Variants in OR5T2 observed in about 807,000 individuals in gnomAD.
OR5T2 encodes olfactory receptor family 5 subfamily T member 2.
Under a neutral mutation model 13.7 loss-of-function variants are expected in OR5T2, and 12 were observed. That is an observed-to-expected ratio of 0.88 (90% CI 0.56 to 1.42). The LOEUF (loss-of-function observed/expected upper bound fraction) is 1.42. OR5T2 is among the 40% of genes most tolerant of loss of function. OR5T2 has a pLI of 0.00. For synonymous variants in OR5T2, 146 were observed against 139.5 expected (o/e 1.05, Z -0.33); for missense variants, 475 against 372.0 (o/e 1.28, Z -2.28).
In OR5T2 at chr11:56,232,451, G is replaced by T. The variant is rs138680983; in HGVS notation, c.612C>A (p.Ile204=). The T allele has an allele frequency of 3.7e-6, 6 of 1,607,064 alleles. No homozygotes were observed. The highest frequency in any genetic ancestry group is 3.3e-5 in the South Asian group (3 of 89,952). ...GAACAATCAGGATAGTGACCAGCTC[G>T]ATAGAGCCCACAAAGTAGAAGAGTA... The part of the protein sequence containing the change: ...QLLLFYFVGS[I]ELVTILIVLI... Residue 204 remains isoleucine (I), a synonymous_variant, in exon 2 of 2, where the codon ATC becomes ATA. Coordinates refer to ENST00000641661, the MANE Select transcript of OR5T2 (RefSeq NM_001004746.4).
chr11:56,233,396 A>G (rs1009963741), intron 1 of OR5T2, 132 bp from the exon 2 acceptor site: 3 of 390,628 alleles, frequency 7.7e-6, no homozygotes, highest in Non-Finnish European at 1.4e-5. Flanking sequence ...TAATATTAAA[A>G]CACACAAAAA....
rs1853318561 is a variant in OR5T2 at position 56,233,137 on chromosome 11, C to G, written c.-75G>C. 11 of 1,580,790 alleles carry G rather than the reference C, an allele frequency of 7.0e-6. No individual in the cohort carries two copies. Among genetic ancestry groups the G allele is most frequent in the Non-Finnish European group, 8.6e-6 (10 of 1,159,582 alleles). ...TTATGACAAAAAGAATGAACAACACCATGACTCAAGGGGATGTTAACTGTG... is the reference window on the plus strand; with the variant it reads ...TTATGACAAAAAGAATGAACAACACGATGACTCAAGGGGATGTTAACTGTG... On this transcript the variant is annotated 5_prime_UTR_variant, in exon 2 of 2. An upstream start codon of the reference 5' UTR is lost. Coordinates refer to ENST00000641661, the MANE Select transcript of OR5T2 (RefSeq NM_001004746.4).
rs1853308424 is a variant in OR5T2, at chr11:56,232,771, G to C, written c.292C>G (p.Gln98Glu). Residue 98 changes from glutamine to glutamate, a missense_variant, in exon 2 of 2, where the codon CAG becomes GAG. Physicochemically the swap from Gln to Glu is conservative, Grantham distance 29. Transcript: ENST00000641661. ...CCAAAACTACAAGCAAGAAACACCT[G>C]TGCTACACATCCAAGGAATGAAATG... Reference protein sequence around the residue: ...KVISFLGCVAQVFLACSFGTT... With the variant: ...KVISFLGCVAEVFLACSFGTT... 5 of 1,613,966 alleles carry C rather than the reference G, an allele frequency of 3.1e-6. No individual in the cohort carries two copies. Among genetic ancestry groups the C allele is most frequent in the African/African-American group, 1.3e-5 (1 of 74,910 alleles).
intron 1 of OR5T2, among the ~76,000 whole-genome samples, chr11:56,233,613 T>C (rs532416880): frequency 6.6e-6 from 1 of 152,200 alleles, no homozygotes; most frequent in Admixed American, 6.6e-5. Context: ...TAATAAAATA[T>C]AATATGTAAA....
At chr11:56,233,631 T>G (rs927213366) in intron 1 of OR5T2, among the ~76,000 whole-genome samples, 1 of 152,106 alleles carries the variant, frequency 6.6e-6, no homozygotes, top group African/African-American at 2.4e-5. Flanking sequence ...AAAATAATTT[T>G]GATTATAGAA....
intron 1 of OR5T2, among the ~76,000 whole-genome samples, chr11:56,233,483 C>T (rs898880640): frequency 2.0e-5 from 3 of 151,978 alleles, no homozygotes; most frequent in African/African-American, 7.2e-5. Context: ...GAATACAATA[C>T]CAGAATTTTA....
chr11:56,231,962 AC>A lies in OR5T2; in HGVS notation c.*143del. On this transcript the variant is annotated 3_prime_UTR_variant, in exon 2 of 2. Coordinates refer to ENST00000641661, the MANE Select transcript of OR5T2 (RefSeq NM_001004746.4). ...AAAAGGCCTGCCCCTGAGGTATAAC[AC>A]CCAACATTATAACAAAAGACTGTAA... 1.5e-6 allele frequency: 1 copy of A among 666,284 alleles called. No individual in the cohort carries two copies. The highest frequency in any genetic ancestry group is 3.4e-5 in the Admixed American group (1 of 29,558). The allele number at this position is 666,284 out of a possible 1,614,324, so 41.3% of individuals were successfully genotyped here.
Position 56,232,548 on chromosome 11 carries a change from A to T in OR5T2, c.515T>A (p.Ile172Asn), listed in dbSNP as rs139659137. The change falls in exon 2 of 2, where the codon ATT becomes AAT. Residue 172 changes from isoleucine to asparagine, a missense_variant. Transcript: ENST00000641661. ...FSLSFCGANE[I>N]RRVFCDIPPL... ...AGGGATATCACAAAAGACACGCCTA[A>T]TTTCATTGGCTCCACAGAAGGATAG... The T allele has an allele frequency of 1.1e-5, 18 of 1,613,622 alleles. No homozygotes were observed. In the African/African-American group the frequency reaches 2.3e-4, roughly 20 times the overall value.
In OR5T2 at chr11:56,232,968, A is replaced by C; in HGVS notation, c.95T>G (p.Ile32Ser). Reference sequence around the variant, plus strand: ...ATTTCCCATGAGAGTGAAGAGGTAGATTGCTAGAAACAGGAAGAAGAAGAT... The same window carrying C: ...ATTTCCCATGAGAGTGAAGAGGTAGCTTGCTAGAAACAGGAAGAAGAAGAT... ...QTIFFFLFLAIYLFTLMGNLG... is the reference protein window; with the variant it reads ...QTIFFFLFLASYLFTLMGNLG... The change falls in exon 2 of 2, where the codon ATC (isoleucine) becomes AGC (serine). Residue 32 changes from isoleucine to serine, a missense_variant. By Grantham distance (142) the Ile-to-Ser change is moderately radical. Coordinates refer to ENST00000641661, the MANE Select transcript of OR5T2 (RefSeq NM_001004746.4). 6.2e-7 allele frequency: 1 copy of C among 1,609,686 alleles called. No homozygotes were observed. The highest frequency in any genetic ancestry group is 8.5e-7 in the Non-Finnish European group (1 of 1,178,028).
rs752707126 is a variant in OR5T2 at position 56,232,878 on chromosome 11, C to G, written c.185G>C (p.Ser62Thr). 6.2e-7 allele frequency: 1 copy of G among 1,612,026 alleles called. No individual in the cohort carries two copies. Among genetic ancestry groups the G allele is most frequent in the Admixed American group, 1.7e-5 (1 of 59,808 alleles). The change falls in exon 2 of 2, where the codon AGT (serine) becomes ACT (threonine). Residue 62 changes from serine (S) to threonine (T), a missense_variant. Physicochemically the swap from Ser to Thr is moderately conservative, Grantham distance 58. Coordinates refer to ENST00000641661, the MANE Select transcript of OR5T2 (RefSeq NM_001004746.4). ...GCAGGCATCCACAGAAGACAACATA[C>G]TCAGAAAATAGTACATGGGTTTGTG... is the stretch of plus-strand genomic sequence containing the variant. ...QLHKPMYYFL[S>T]MLSSVDACYS...
At position 56,232,311 on chromosome 11, in the gene OR5T2, C is replaced by G; in HGVS notation, c.752G>C (p.Gly251Ala). ...AHLTGVSIYY[G>A]TILFMYVRPS... Reference sequence around the variant, plus strand: ...TCTCACATACATGAAGAGGATTGTCCCATAATAAATTGACACTCCAGTTAG... The same window carrying G: ...TCTCACATACATGAAGAGGATTGTCGCATAATAAATTGACACTCCAGTTAG... Residue 251 changes from glycine to alanine, a missense_variant, in exon 2 of 2, where the codon GGG (glycine) becomes GCG (alanine). Transcript: ENST00000641661. 5 of 1,609,434 alleles carry G rather than the reference C, an allele frequency of 3.1e-6. No individual in the cohort carries two copies. Among genetic ancestry groups the G allele is most frequent in the Non-Finnish European group, 3.4e-6 (4 of 1,177,744 alleles).
Position 56,233,363 on chromosome 11 carries a change from T to C in OR5T2, c.-202-99A>G, listed in dbSNP as rs370434275. ...TACTGGTTAATTTACCACTGAATTG[T>C]ATTAAGCTGTTTATATATTAAATAA... On this transcript the variant is annotated intron_variant, in intron 1 of 1. Transcript: ENST00000641661. 16 of 451,234 alleles carry C rather than the reference T, an allele frequency of 3.5e-5. No homozygotes were observed. In the South Asian group the frequency reaches 3.7e-4, roughly 10 times the overall value. The allele number at this position is 451,234 out of a possible 1,614,324, so 28.0% of individuals were successfully genotyped here. A position where few individuals can be genotyped will look rare whatever the true frequency, so the allele number is the denominator to read the frequency against.
chr11:56,233,094 A>C lies in OR5T2; in HGVS notation c.-32T>G, dbSNP rs1853316900. The C allele has an allele frequency of 6.2e-7, 1 of 1,606,270 alleles. No individual in the cohort carries two copies. Among genetic ancestry groups the C allele is most frequent in the Non-Finnish European group, 8.5e-7 (1 of 1,174,426 alleles). On this transcript the variant is annotated 5_prime_UTR_variant, in exon 2 of 2. The change abolishes an upstream ATG in the 5' untranslated region. Transcript: ENST00000641661. ...ATCTAGAACAAACTTGAAGATATGCATAAAGTTACAGTTCATATTATGACA... is the reference window on the plus strand; with the variant it reads ...ATCTAGAACAAACTTGAAGATATGCCTAAAGTTACAGTTCATATTATGACA...
In OR5T2 at chr11:56,232,230, A is replaced by G. The variant is rs1853293233; in HGVS notation, c.833T>C (p.Ile278Thr). ...HDMIVSIFYT[I>T]VIPLLNPVIY... ...GACGGGATTCAGCAAGGGAATCACA[A>G]TGGTGTAAAATATTGACACTATCAT... Residue 278 changes from isoleucine (I) to threonine (T), a missense_variant, in exon 2 of 2, where the codon ATT (isoleucine) becomes ACT (threonine). Physicochemically the swap from Ile to Thr is moderately conservative, Grantham distance 89. Coordinates refer to ENST00000641661, the MANE Select transcript of OR5T2 (RefSeq NM_001004746.4). The G allele has an allele frequency of 1.2e-6, 2 of 1,613,702 alleles. No homozygotes were observed. Among genetic ancestry groups the G allele is most frequent in the Non-Finnish European group, 1.7e-6 (2 of 1,179,778 alleles).
rs374412793 is a variant in OR5T2 at position 56,232,448 on chromosome 11, C to T, written c.615G>A (p.Glu205=). The change falls in exon 2 of 2, where the codon GAG becomes GAA. Residue 205 remains glutamate, a synonymous_variant. Transcript: ENST00000641661. Reference sequence around the variant, plus strand: ...TCAGAACAATCAGGATAGTGACCAGCTCGATAGAGCCCACAAAGTAGAAGA... The same window carrying T: ...TCAGAACAATCAGGATAGTGACCAGTTCGATAGAGCCCACAAAGTAGAAGA... ...LLLFYFVGSI[E]LVTILIVLIS... is the part of the protein sequence containing the mutation. 95 of 1,607,110 alleles carry T rather than the reference C, an allele frequency of 5.9e-5. 1 individual carries two copies. Among genetic ancestry groups the T allele is most frequent in the Admixed American group, 4.4e-4 (26 of 59,624 alleles).
In OR5T2 at chr11:56,232,054, A is replaced by G; in HGVS notation, c.*52T>C. ...AACCAACATATATCATAACACCACAATGACACATTCTTGGTATTGAGGTGC... is the reference window on the plus strand; with the variant it reads ...AACCAACATATATCATAACACCACAGTGACACATTCTTGGTATTGAGGTGC... On this transcript the variant is annotated 3_prime_UTR_variant, in exon 2 of 2. Transcript: ENST00000641661. The G allele has an allele frequency of 2.1e-6, 3 of 1,425,288 alleles. No homozygotes were observed. The highest frequency in any genetic ancestry group is 2.8e-6 in the Non-Finnish European group (3 of 1,066,804). The allele number at this position is 1,425,288 out of a possible 1,614,324, so 88.3% of individuals were successfully genotyped here. A position where few individuals can be genotyped will look rare whatever the true frequency, so the allele number is the denominator to read the frequency against.
chr11:56,234,253 T>C lies in OR5T2; in HGVS notation c.-279A>G, dbSNP rs1033773557. ...ATTCAATCCCAGGTTTCTCTCATTG[T>C]ACATGAAATTTTTGCATTTTTTCAT... On this transcript the variant is annotated 5_prime_UTR_variant, in exon 1 of 2. Transcript: ENST00000641661. The C allele has an allele frequency of 6.6e-6, 1 of 152,102 alleles. No homozygotes were observed. The highest frequency in any genetic ancestry group is 1.5e-5 in the Non-Finnish European group (1 of 67,970). 9.4% of individuals were successfully genotyped at this position (152,102 alleles called of 1,614,324 possible).
In OR5T2 at chr11:56,233,091, T is replaced by C. The variant is rs1222377170; in HGVS notation, c.-29A>G. 6.2e-6 allele frequency: 10 copies of C among 1,606,818 alleles called. No individual in the cohort carries two copies. The highest frequency in any genetic ancestry group is 7.7e-6 in the Non-Finnish European group (9 of 1,174,600). On this transcript the variant is annotated 5_prime_UTR_variant, in exon 2 of 2. Transcript: ENST00000641661. The stretch of plus-strand genomic sequence containing the variant: ...GAAATCTAGAACAAACTTGAAGATA[T>C]GCATAAAGTTACAGTTCATATTATG...
rs1437383700 is a variant in OR5T2, at chr11:56,232,240, A to G, written c.823T>C (p.Phe275Leu). 1 of 1,613,644 alleles carries G rather than the reference A, an allele frequency of 6.2e-7. No homozygotes were observed. Among genetic ancestry groups the G allele is most frequent in the Non-Finnish European group, 8.5e-7 (1 of 1,179,796 alleles). Reference sequence around the variant, plus strand: ...AGCAAGGGAATCACAATGGTGTAAAATATTGACACTATCATGTCATGGTCC... The same window carrying G: ...AGCAAGGGAATCACAATGGTGTAAAGTATTGACACTATCATGTCATGGTCC... ...ASDHDMIVSI[F>L]YTIVIPLLNP... The change falls in exon 2 of 2, where the codon TTT becomes CTT. Residue 275 changes from phenylalanine to leucine, a missense_variant. Transcript: ENST00000641661.
Sources: allele counts gnomAD v4.1 joint callset (sites outside exome capture counted in the v4.1 genomes callset), GRCh38; gene constraint gnomAD v4.1.1; transcripts MANE v1.5; gene names NCBI Gene and HGNC (gene_info 2026-07-23, HGNC 2026-07-21).